Variants in EIF4E3 observed in about 807,000 individuals in gnomAD.
The protein encoded by EIF4E3 is eukaryotic translation initiation factor 4E family member 3.
EIF4E3 carries 26 observed loss-of-function variants against 31.7 expected under a neutral mutation model. That is an observed-to-expected ratio of 0.82 (90% CI 0.60 to 1.14). EIF4E3 has a LOEUF of 1.14. Among genes scored for constraint, EIF4E3 ranks in the 50% most tolerant of loss-of-function variants. The probability of loss-of-function intolerance (pLI) is 0.00; values close to 1 mark genes in which losing one functional copy is unlikely to be tolerated. For synonymous variants in EIF4E3, 128 were observed against 107.7 expected (o/e 1.19, Z -1.17); for missense variants, 304 against 270.9 (o/e 1.12, Z -0.86).
chr3:71,686,804 G>A (rs953743362), intron 6 of EIF4E3, among the ~76,000 whole-genome samples: 5 of 152,234 alleles, frequency 3.3e-5, no homozygotes, highest in South Asian at 2.1e-4. Flanking sequence ...ATGTTGATGG[G>A]TTAAAGAGAC....
chr3:71,728,881 A>G (rs1343146217), upstream of EIF4E3, among the ~76,000 whole-genome samples: 1 of 152,226 alleles, frequency 6.6e-6, no homozygotes, highest in African/African-American at 2.4e-5. Flanking sequence ...AGAAAGGCCC[A>G]GAGAAGCTGG....
At position 71,718,660 on chromosome 3, in the gene EIF4E3, T is replaced by C. The variant is rs532476797; in HGVS notation, c.176+6532A>G. ...AAGTAAGTTTAAATGGTCTCTGTAA[T>C]ATTAAAAGCAGAAATGTTTTTGAGC... On this transcript the variant is annotated intron_variant, in intron 1 of 6. Coordinates refer to ENST00000425534, the MANE Select transcript of EIF4E3 (RefSeq NM_001134651.2). Among the ~76,000 whole-genome samples, 8 of 152,350 alleles carry C rather than the reference T, an allele frequency of 5.3e-5. No individual in the cohort carries two copies. The East Asian group carries it at 1.5e-3, about 29-fold the overall frequency.
chr3:71,754,479 G>A (rs2049980228), upstream of EIF4E3: 2 of 1,309,920 alleles, frequency 1.5e-6, no homozygotes, highest in Admixed American at 3.4e-5. The surrounding 1 kb of genome is among the most constrained non-coding windows in gnomAD (Gnocchi z 5.8). Context: ...CGCCATGCTG[G>A]TGTGCGCCGC....
At chr3:71,742,503 C>G (rs1180146356) in intron 1 of EIF4E3, among the ~76,000 whole-genome samples, 1 of 151,906 alleles carries the variant, frequency 6.6e-6, no homozygotes, top group African/African-American at 2.4e-5. Flanking sequence ...AAAACCTTCC[C>G]CCAAAGAAAA....
intron 1 of EIF4E3, among the ~76,000 whole-genome samples, chr3:71,714,273 A>AAAGAAGGAAGGAAG (rs1559602527): frequency 2.4e-5 from 3 of 125,280 alleles, no homozygotes; most frequent in African/African-American, 3.5e-5. Flanking sequence ...AAGGAAGGAA[A>AAAGAAGGAAGGAAG]GAAGGAAGGA....
chr3:71,671,866 A>T (rs549996061), downstream of EIF4E3, among the ~76,000 whole-genome samples: 1 of 151,818 alleles, frequency 6.6e-6, no homozygotes, highest in East Asian at 1.9e-4. Context: ...CAGTCAGGGG[A>T]CCATATTTTG....
At chr3:71,754,349 C>T, upstream of EIF4E3, 1 of 1,306,840 alleles carries the variant, frequency 7.7e-7, no homozygotes, top group Non-Finnish European at 9.8e-7. The surrounding 1 kb of genome is among the most constrained non-coding windows in gnomAD (Gnocchi z 5.8). Flanking sequence ...TGCTCGCCTT[C>T]CTGGCCGCGC....
upstream of EIF4E3, chr3:71,754,555 C>A: frequency 7.3e-7 from 1 of 1,368,172 alleles, no homozygotes; most frequent in South Asian, 1.6e-5. The surrounding 1 kb of genome is among the most constrained non-coding windows in gnomAD (Gnocchi z 5.8). Flanking sequence ...GACGAGGACG[C>A]GCCGTGCGCC....
chr3:71,689,941 A>C, intron 6 of EIF4E3, 69 bp downstream of exon 6: 1 of 1,360,670 alleles, frequency 7.3e-7, no homozygotes, highest in Non-Finnish European at 9.6e-7. Context: ...CACATTTGCA[A>C]AACAGTTTCT....
the EIF4E3 span, among the ~76,000 whole-genome samples, chr3:71,667,501 C>T: frequency 1.3e-5 from 2 of 152,024 alleles, no homozygotes; most frequent in African/African-American, 4.8e-5. Flanking sequence ...GTTAGAAAAC[C>T]CCCCATTGTC....
At chr3:71,751,914 G>A (rs982088921) in intron 1 of EIF4E3, among the ~76,000 whole-genome samples, 20 of 152,096 alleles carry the variant, frequency 1.3e-4, no homozygotes, top group African/African-American at 4.1e-4. Flanking sequence ...CTTCTTTCAC[G>A]AGGAAAATAA....
intron 5 of EIF4E3, among the ~76,000 whole-genome samples, chr3:71,691,313 G>A (rs987976428): frequency 1.3e-5 from 2 of 152,070 alleles, no homozygotes; most frequent in Non-Finnish European, 2.9e-5. Flanking sequence ...TTAGTATTAG[G>A]ATATAATTTA....
intron 1 of EIF4E3, among the ~76,000 whole-genome samples, chr3:71,716,717 A>G (rs188122568): frequency 6.6e-5 from 10 of 152,362 alleles, no homozygotes; most frequent in South Asian, 2.1e-4. Flanking sequence ...TAACTTGCCC[A>G]AACATACACC....
Position 71,710,567 on chromosome 3 carries a change from G to A in EIF4E3, c.177-83C>T, listed in dbSNP as rs2049363934. 1.6e-5 allele frequency: 22 copies of A among 1,360,194 alleles called. 1 individual carries two copies. Among genetic ancestry groups the A allele is most frequent in the Admixed American group, 8.3e-5 (4 of 48,350 alleles). The allele number at this position is 1,360,194 out of a possible 1,614,324, so 84.3% of individuals were successfully genotyped here. ...AACAGCCCACAGTAGAATCTTTCAC[G>A]TCTTCCTAAAAATCAGGTCTCAAAC... On this transcript the variant is annotated intron_variant, in intron 1 of 6. Coordinates refer to ENST00000425534, the MANE Select transcript of EIF4E3 (RefSeq NM_001134651.2).
intron 3 of EIF4E3, among the ~76,000 whole-genome samples, chr3:71,696,801 T>C (rs374570628): frequency 2.0e-5 from 3 of 148,294 alleles, no homozygotes; most frequent in African/African-American, 7.5e-5. Context: ...CTGCAAGCTC[T>C]GCCTCCCGGG....
chr3:71,722,446 G>A lies in EIF4E3; in HGVS notation c.176+2746C>T, dbSNP rs79443820. On this transcript the variant is annotated intron_variant, in intron 1 of 6. Transcript: ENST00000425534. ...TGTGGGAAAAAACTCAGAGGCGAGC[G>A]GGTCACCATAAGATCAAAAGGAAGC... 5.6e-4 allele frequency among the ~76,000 whole-genome samples: 85 copies of A among 152,230 alleles called. 1 individual carries two copies. In the East Asian group the frequency reaches 0.013, roughly 23 times the overall value.
intron 1 of EIF4E3, among the ~76,000 whole-genome samples, chr3:71,731,734 T>C (rs1355736915): frequency 6.6e-6 from 1 of 152,228 alleles, no homozygotes; most frequent in East Asian, 1.9e-4. Context: ...ATGTTGGTCT[T>C]CCTAAAAAGC....
chr3:71,699,381 T>C (rs191268933), intron 3 of EIF4E3, among the ~76,000 whole-genome samples: 61 of 152,258 alleles, frequency 4.0e-4, no homozygotes, highest in Non-Finnish European at 8.8e-5. Flanking sequence ...GACATAAGGA[T>C]TTATTACTAA....
chr3:71,687,899 G>C (rs2049014946), intron 6 of EIF4E3, among the ~76,000 whole-genome samples: 1 of 152,168 alleles, frequency 6.6e-6, no homozygotes, highest in South Asian at 2.1e-4. Context: ...AGCTTACCCT[G>C]CTGTGAAAAA....
Sources: gnomAD v4.1 joint callset for allele counts (sites outside exome capture counted in the v4.1 genomes callset) on GRCh38, gnomAD v4.1.1 for gene constraint, Gnocchi (gnomAD v3.1) non-coding constraint, MANE v1.5 for transcripts, NCBI Gene and HGNC (gene_info 2026-07-23, HGNC 2026-07-21) for gene names.